GEN1: variants seen among roughly 807,000 people sequenced by gnomAD.
The protein encoded by GEN1 is flap endonuclease GEN homolog 1.
A neutral mutation model predicts 67.6 loss-of-function variants in GEN1; 64 were observed. The observed-to-expected ratio is 0.95, with a 90% CI of 0.77 to 1.17. The LOEUF (loss-of-function observed/expected upper bound fraction) is 1.17, where lower values mean the gene tolerates loss of function less well. Ranked by LOEUF, GEN1 falls within the 50% of genes most tolerant of loss-of-function variation. The probability of loss-of-function intolerance (pLI) is 0.00; values close to 1 mark genes in which losing one functional copy is unlikely to be tolerated. For missense variants in GEN1, 1,058 were observed against 1,048.3 expected (o/e 1.01, Z -0.13); for synonymous variants, 371 against 359.4 (o/e 1.03, Z -0.37).
intron 12 of GEN1, among the ~76,000 whole-genome samples, chr2:17,778,276 GTATA>G (rs10535309): frequency 3.3e-4 from 12 of 36,808 alleles, no homozygotes; most frequent in African/African-American, 5.7e-4. Flanking sequence ...GTACATATAT[GTATA>G]TACACACACA....
intron 12 of GEN1, 105 bp downstream of exon 12, chr2:17,778,168 A>C: frequency 4.3e-6 from 2 of 465,204 alleles, no homozygotes; most frequent in Non-Finnish European, 7.8e-6. Flanking sequence ...ACACACATAG[A>C]TATGTGTATA....
intron 10 of GEN1, among the ~76,000 whole-genome samples, chr2:17,774,051 A>G (rs571947583): frequency 3.3e-5 from 5 of 152,276 alleles, no homozygotes; most frequent in South Asian, 2.1e-4. Context: ...GTTACCCAAC[A>G]TCTAAGAAAT....
chr2:17,784,054 A>G lies in GEN1; in HGVS notation c.*2115A>G, dbSNP rs1672964394. The G allele has an allele frequency of 6.6e-6, 1 of 152,248 alleles. No homozygotes were observed. Among genetic ancestry groups the G allele is most frequent in the Non-Finnish European group, 1.5e-5 (1 of 68,046 alleles). The allele number at this position is 152,248 out of a possible 1,614,324, so 9.4% of individuals were successfully genotyped here. ...GACACCATCAAGAAAGTGAAAAGAC[A>G]GCTTACAGAATGGGAGAAAATATTT... On this transcript the variant is annotated 3_prime_UTR_variant, in exon 14 of 14. Transcript: ENST00000381254.
chr2:17,763,635 G>A (rs1361401130), intron 3 of GEN1, among the ~76,000 whole-genome samples: 1 of 152,176 alleles, frequency 6.6e-6, no homozygotes, highest in African/African-American at 2.4e-5. Flanking sequence ...GGGAAAAATT[G>A]CAACAGCCTT....
chr2:17,761,212 A>C (rs1264786038), intron 2 of GEN1, among the ~76,000 whole-genome samples, 184 bp from the exon 3 acceptor site: 1 of 152,192 alleles, frequency 6.6e-6, no homozygotes, highest in Admixed American at 6.5e-5. Flanking sequence ...CCTGGGTGAC[A>C]GAGTGAGACT....
intron 8 of GEN1, 117 bp downstream of exon 8, chr2:17,772,901 T>C (rs898121779): frequency 3.9e-6 from 4 of 1,032,688 alleles, no homozygotes; most frequent in Middle Eastern, 2.9e-4. Flanking sequence ...TTTAACTAAA[T>C]TTTTTTTTCA....
At position 17,786,474 on chromosome 2, in the gene GEN1, C is replaced by T. The variant is rs577809119; in HGVS notation, c.*4535C>T. ...GTGGTAACTAATATTCATCTAATCA[C>T]CTACCACATTTTTGGAGCACCCACT... On this transcript the variant is annotated 3_prime_UTR_variant, in exon 14 of 14. Coordinates refer to ENST00000381254, the MANE Select transcript of GEN1 (RefSeq NM_001130009.3). 5 of 152,278 alleles carry T rather than the reference C, an allele frequency of 3.3e-5. No homozygotes were observed. The highest frequency in any genetic ancestry group is 2.1e-4 in the South Asian group (1 of 4,820). The allele number at this position is 152,278 out of a possible 1,614,324, so 9.4% of individuals were successfully genotyped here.
At chr2:17,778,117 T>A in intron 12 of GEN1, 54 bp downstream of exon 12, 1 of 922,504 alleles carries the variant, frequency 1.1e-6, no homozygotes. Flanking sequence ...ACCATGTATG[T>A]CTAGTAAATA....
At chr2:17,759,818 G>A (rs1671590865) in intron 1 of GEN1, 111 bp from the exon 2 acceptor site, 1 of 872,688 alleles carries the variant, frequency 1.1e-6, no homozygotes, top group Non-Finnish European at 1.7e-6. Context: ...AAAAAAATAA[G>A]GAATATCCTC....
chr2:17,775,742 G>C (rs865851028), intron 11 of GEN1, among the ~76,000 whole-genome samples: 1 of 152,172 alleles, frequency 6.6e-6, no homozygotes, highest in Non-Finnish European at 1.5e-5. Context: ...TTAACTCAGT[G>C]ATTAATTACC....
intron 1 of GEN1, among the ~76,000 whole-genome samples, chr2:17,757,095 T>G (rs1671464940): frequency 6.6e-6 from 1 of 152,238 alleles, no homozygotes; most frequent in South Asian, 2.1e-4. Context: ...TTAATCATTC[T>G]TTAAACCAGG....
chr2:17,785,148 T>TC lies in GEN1; in HGVS notation c.*3214dup, dbSNP rs1165829337. ...GGAACAGCTTCATCCCACAGCCATC[T>TC]CCCCCTCATCATCCGTGGAAAAACT... On this transcript the variant is annotated 3_prime_UTR_variant, in exon 14 of 14. Transcript: ENST00000381254. 6.6e-6 allele frequency: 1 copy of TC among 151,764 alleles called. No individual in the cohort carries two copies. The highest frequency in any genetic ancestry group is 2.4e-5 in the African/African-American group (1 of 41,282). The allele number at this position is 151,764 out of a possible 1,614,324, so 9.4% of individuals were successfully genotyped here.
chr2:17,753,917 G>C (rs548190105), upstream of GEN1: 2 of 152,508 alleles, frequency 1.3e-5, no homozygotes, highest in African/African-American at 2.4e-5. Context: ...CTTAGCGGGT[G>C]GGGGAAGCTG....
chr2:17,775,410 A>C (rs1197469194), intron 11 of GEN1, among the ~76,000 whole-genome samples: 7 of 152,210 alleles, frequency 4.6e-5, no homozygotes, highest in African/African-American at 1.7e-4. Context: ...TAGTTCCTAG[A>C]AGCTAATAAA....
Position 17,782,449 on chromosome 2 carries a change from C to T in GEN1, c.*510C>T, listed in dbSNP as rs1157960876. 1 of 152,214 alleles carries T rather than the reference C, an allele frequency of 6.6e-6. No individual in the cohort carries two copies. The highest frequency in any genetic ancestry group is 2.4e-5 in the African/African-American group (1 of 41,440). The allele number at this position is 152,214 out of a possible 1,614,324, so 9.4% of individuals were successfully genotyped here. A position where few individuals can be genotyped will look rare whatever the true frequency, so the allele number is the denominator to read the frequency against. The stretch of plus-strand genomic sequence containing the variant: ...GGCCATGCAAGGTGTTCCATTATAA[C>T]TCTTTTTCCTAAGAGTTATATTCTC... On this transcript the variant is annotated 3_prime_UTR_variant, in exon 14 of 14. Transcript: ENST00000381254.
intron 1 of GEN1, among the ~76,000 whole-genome samples, chr2:17,759,596 T>C (rs1671580293): frequency 6.6e-6 from 1 of 152,130 alleles, no homozygotes; most frequent in African/African-American, 2.4e-5. Context: ...TTTTCTTTTT[T>C]TTTTTCCTGG....
chr2:17,759,254 A>G (rs1671563119), intron 1 of GEN1, among the ~76,000 whole-genome samples: 1 of 152,240 alleles, frequency 6.6e-6, no homozygotes, highest in Non-Finnish European at 1.5e-5. Flanking sequence ...GATGTATAAT[A>G]AGGAAAAGCT....
At position 17,778,048 on chromosome 2, in the gene GEN1, G is replaced by C. The variant is rs1672525273; in HGVS notation, c.1249G>C (p.Glu417Gln). The C allele has an allele frequency of 6.3e-7, 1 of 1,595,226 alleles. No homozygotes were observed. The highest frequency in any genetic ancestry group is 8.6e-7 in the Non-Finnish European group (1 of 1,165,092). The change falls in exon 12 of 14, where the codon GAA becomes CAA. Residue 417 changes from glutamate (E) to glutamine (Q), a missense_variant. Glu to Gln is a conservative substitution (Grantham distance 29, BLOSUM62 2). Transcript: ENST00000381254. ...IRNGVHCFEI[E>Q]WEKPEHYAME... is the part of the protein sequence containing the mutation. Reference sequence around the variant, plus strand: ...AAATGGAGTTCATTGTTTTGAAATAGAATGGGAAAAGCCTGGTATGTATTC... The same window carrying C: ...AAATGGAGTTCATTGTTTTGAAATACAATGGGAAAAGCCTGGTATGTATTC...
intron 4 of GEN1, among the ~76,000 whole-genome samples, chr2:17,765,965 A>ATG (rs1357875389): frequency 7.0e-6 from 1 of 142,348 alleles, no homozygotes; most frequent in South Asian, 2.4e-4. Context: ...ATATATATAT[A>ATG]TGTTACAGTG....
Sources: gnomAD v4.1 joint callset for allele counts (sites outside exome capture counted in the v4.1 genomes callset) on GRCh38, gnomAD v4.1.1 for gene constraint, MANE v1.5 for transcripts, NCBI Gene and HGNC (gene_info 2026-07-23, HGNC 2026-07-21) for gene names.